Variants in CCNF observed in about 807,000 individuals in gnomAD.
CCNF encodes cyclin-F.
In CCNF, 30 loss-of-function variants were observed where a neutral mutation model predicts 85.4. The ratio of observed to expected loss-of-function variants is 0.35; its 90% CI spans 0.26 to 0.48. CCNF has a LOEUF of 0.48. Among genes scored for constraint, CCNF ranks in the 20% least tolerant of loss-of-function variants. The pLI is 0.99. For missense variants in CCNF, 919 were observed against 1,010.4 expected (o/e 0.91, Z 1.23); for synonymous variants, 439 against 425.1 (o/e 1.03, Z -0.40).
intron 3 of CCNF, 43 bp from the exon 4 acceptor site, chr16:2,435,763 G>C: frequency 6.7e-7 from 1 of 1,491,452 alleles, no homozygotes; most frequent in Non-Finnish European, 9.3e-7. Flanking sequence ...CATAACGTTT[G>C]TGGCATAAAA....
chr16:2,442,895 A>G (rs1410278634), intron 8 of CCNF, among the ~76,000 whole-genome samples: 1 of 88,030 alleles, frequency 1.1e-5, no homozygotes, highest in African/African-American at 4.7e-5. Context: ...TATATATTAT[A>G]TATTATATAA....
intron 4 of CCNF, 197 bp from the exon 5 acceptor site, chr16:2,436,932 C>A: frequency 4.7e-6 from 2 of 428,698 alleles, no homozygotes; most frequent in South Asian, 1.2e-4. Flanking sequence ...CACAATGACC[C>A]ACCTGTTCTA....
In CCNF at chr16:2,456,887, C is replaced by T. The variant is rs779926230; in HGVS notation, c.2228C>T (p.Ala743Val). 1.2e-6 allele frequency: 2 copies of T among 1,614,182 alleles called. No homozygotes were observed. The highest frequency in any genetic ancestry group is 2.2e-5 in the South Asian group (2 of 91,088). The change falls in exon 17 of 17, where the codon GCC (alanine) becomes GTC (valine). Residue 743 changes from alanine (A) to valine (V), a missense_variant. By Grantham distance (64) the Ala-to-Val change is moderately conservative. Coordinates refer to ENST00000397066, the MANE Select transcript of CCNF (RefSeq NM_001761.3). This position sits in a 1 kb window ranked among gnomAD's most constrained non-coding sequence, Gnocchi z 4.5. ...DSHTQPCHHQ[A>V]RKSCLQCRPP... ...CACACACAGCCCTGCCACCATCAGGCCAGGAAGTCATGTTTACAGTGTCGT... is the reference window on the plus strand; with the variant it reads ...CACACACAGCCCTGCCACCATCAGGTCAGGAAGTCATGTTTACAGTGTCGT...
rs2141830288 is a variant in CCNF at position 2,453,459 on chromosome 16, G to T, written c.1637G>T (p.Ser546Ile). The T allele has an allele frequency of 1.2e-6, 2 of 1,614,044 alleles. No individual in the cohort carries two copies. The highest frequency in any genetic ancestry group is 2.2e-5 in the South Asian group (2 of 91,082). Residue 546 changes from serine (S) to isoleucine (I), a missense_variant, in exon 15 of 17, where the codon AGC (serine) becomes ATC (isoleucine). This residue lies in a region of CCNF where 505 missense variants were observed against 514.8 expected (regional missense o/e 0.98). Transcript: ENST00000397066. The surrounding 1 kb of genome is among the most constrained non-coding windows in gnomAD (Gnocchi z 5.6). ...LCAALGVTQD[S>I]PDPPTFLSTG... ...GCTGCATTAGGAGTGACACAAGACA[G>T]CCCCGACCCCCCGACTTTCCTCAGC...
chr16:2,429,879 C>T (rs949238083), intron 1 of CCNF, among the ~76,000 whole-genome samples: 3 of 152,094 alleles, frequency 2.0e-5, no homozygotes, highest in African/African-American at 7.2e-5. Context: ...GCGAAGCGAT[C>T]CCGCAGCCCG....
At chr16:2,429,818 G>T (rs2065253903) in intron 1 of CCNF, among the ~76,000 whole-genome samples, 1 of 152,204 alleles carries the variant, frequency 6.6e-6, no homozygotes, top group Middle Eastern at 3.4e-3. Context: ...GTCTCGGGGA[G>T]CCAAACACCA....
chr16:2,454,797 T>C (rs571131773), intron 15 of CCNF, among the ~76,000 whole-genome samples: 23 of 152,168 alleles, frequency 1.5e-4, no homozygotes, highest in Non-Finnish European at 2.8e-4. Context: ...CGGTTGCTCA[T>C]GCCTGTAATC....
In CCNF at chr16:2,456,263, G is replaced by T. The variant is rs903130925; in HGVS notation, c.1886-282G>T. On this transcript the variant is annotated intron_variant, in intron 16 of 16. Transcript: ENST00000397066. This position sits in a 1 kb window ranked among gnomAD's most constrained non-coding sequence, Gnocchi z 4.5. ...CTGCGGGGTCCTTGCCAGAAGCCCA[G>T]TTAGTGTGAGTCCTGTCAGTTTCCC... 1 of 394,148 alleles carries T rather than the reference G, an allele frequency of 2.5e-6. No homozygotes were observed. The highest frequency in any genetic ancestry group is 2.0e-5 in the African/African-American group (1 of 49,178). 24.4% of individuals were successfully genotyped at this position (394,148 alleles called of 1,614,324 possible).
intron 5 of CCNF, 139 bp from the exon 6 acceptor site, chr16:2,437,931 T>G: frequency 6.0e-6 from 3 of 500,514 alleles, no homozygotes; most frequent in South Asian, 2.2e-5. Context: ...AAGACTGAAA[T>G]CTGGGAGTGG....
rs1177557365 is a variant in CCNF, at chr16:2,455,475, C to T, written c.1796C>T (p.Thr599Met). 10 of 1,604,594 alleles carry T rather than the reference C, an allele frequency of 6.2e-6. No homozygotes were observed. The highest frequency in any genetic ancestry group is 1.7e-4 in the Middle Eastern group (1 of 6,036). The stretch of plus-strand genomic sequence containing the variant: ...GCGGAGCTGTCCAGCCAGGAGGAGA[C>T]GCTGCTGGGCAGCTTCCTCGACTGG... ...PTAELSSQEETLLGSFLDWSL... is the reference protein window; with the variant it reads ...PTAELSSQEEMLLGSFLDWSL... Residue 599 changes from threonine to methionine, a missense_variant, in exon 16 of 17, where the codon ACG becomes ATG. Coordinates refer to ENST00000397066, the MANE Select transcript of CCNF (RefSeq NM_001761.3).
At chr16:2,440,059 C>T (rs149458467) in intron 8 of CCNF, among the ~76,000 whole-genome samples, 20 of 152,350 alleles carry the variant, frequency 1.3e-4, no homozygotes, top group African/African-American at 4.6e-4. Context: ...CCACTCTTGC[C>T]TCTCAGCCAG....
chr16:2,453,934 C>T lies in CCNF; in HGVS notation c.1715+397C>T, dbSNP rs892409024. ...TGAGTCACATCCCCAGCACTTCCCTCGCCACCCGTGTGGACCTGTTTACCC... is the reference window on the plus strand; with the variant it reads ...TGAGTCACATCCCCAGCACTTCCCTTGCCACCCGTGTGGACCTGTTTACCC... On this transcript the variant is annotated intron_variant, in intron 15 of 16. Transcript: ENST00000397066. This position sits in a 1 kb window ranked among gnomAD's most constrained non-coding sequence, Gnocchi z 5.6. Among the ~76,000 whole-genome samples, 1 of 152,198 alleles carries T rather than the reference C, an allele frequency of 6.6e-6. No homozygotes were observed. The highest frequency in any genetic ancestry group is 2.4e-5 in the African/African-American group (1 of 41,442).
intron 6 of CCNF, among the ~76,000 whole-genome samples, chr16:2,438,718 C>T (rs531402944): frequency 8.6e-5 from 13 of 151,992 alleles, no homozygotes; most frequent in Admixed American, 4.6e-4. Context: ...GAATAAGGGC[C>T]GGTCATGGTG....
At chr16:2,429,789 G>A (rs2065253680) in intron 1 of CCNF, among the ~76,000 whole-genome samples, 1 of 141,368 alleles carries the variant, frequency 7.1e-6, no homozygotes, top group African/African-American at 3.1e-5. Flanking sequence ...CGGCGATCGG[G>A]TCCCGGGGCG....
chr16:2,452,094 G>A lies in CCNF; in HGVS notation c.1488-1116G>A, dbSNP rs1292910757. On this transcript the variant is annotated intron_variant, in intron 13 of 16. Transcript: ENST00000397066. The surrounding 1 kb of genome is among the most constrained non-coding windows in gnomAD (Gnocchi z 4.1). ...TCGTGCGCTCACAGCTTGGGGACTG[G>A]AGCTATCCGTGGCGGCTGCCCGGCC... 6.6e-6 allele frequency among the ~76,000 whole-genome samples: 1 copy of A among 152,220 alleles called. No homozygotes were observed. Among genetic ancestry groups the A allele is most frequent in the African/African-American group, 2.4e-5 (1 of 41,450 alleles).
chr16:2,453,483 G>A lies in CCNF; in HGVS notation c.1661G>A (p.Ser554Asn). The A allele has an allele frequency of 6.2e-7, 1 of 1,614,082 alleles. No homozygotes were observed. Among genetic ancestry groups the A allele is most frequent in the Non-Finnish European group, 8.5e-7 (1 of 1,179,998 alleles). ...QDSPDPPTFLSTGEIHAFLSS... is the reference protein window; with the variant it reads ...QDSPDPPTFLNTGEIHAFLSS... ...AGCCCCGACCCCCCGACTTTCCTCA[G>A]CACAGGGGAGATCCACGCCTTCCTC... The change falls in exon 15 of 17, where the codon AGC becomes AAC. Residue 554 changes from serine (S) to asparagine (N), a missense_variant. By Grantham distance (46) the Ser-to-Asn change is conservative. This residue lies in a region of CCNF where 505 missense variants were observed against 514.8 expected (regional missense o/e 0.98). Transcript: ENST00000397066. The surrounding 1 kb of genome is among the most constrained non-coding windows in gnomAD (Gnocchi z 5.6).
intron 10 of CCNF, among the ~76,000 whole-genome samples, chr16:2,447,365 G>T (rs1235670348): frequency 6.6e-6 from 1 of 151,358 alleles, no homozygotes; most frequent in East Asian, 1.9e-4. Context: ...TGGGCGGATC[G>T]TGAGGTCAGG....
At chr16:2,441,977 A>ATATC (rs1567385711) in intron 8 of CCNF, among the ~76,000 whole-genome samples, 1 of 95,856 alleles carries the variant, frequency 1.0e-5, no homozygotes, top group Non-Finnish European at 2.2e-5. Flanking sequence ...ATATATATAT[A>ATATC]TATATGTTTT....
chr16:2,443,678 A>G lies in CCNF; in HGVS notation c.807A>G (p.Ala269=). Residue 269 remains alanine, a synonymous_variant, in exon 9 of 17, where the codon GCA becomes GCG. Transcript: ENST00000397066. The part of the protein sequence containing the change: ...QLSLAKACAN[A]NQLGLEVRAS... ...CTTTAGCCAAAGCCTGTGCAAATGC[A>G]AACCAGCTTGGACTGGAGGTGAGAG... 1 of 1,614,152 alleles carries G rather than the reference A, an allele frequency of 6.2e-7. No homozygotes were observed. The highest frequency in any genetic ancestry group is 8.5e-7 in the Non-Finnish European group (1 of 1,180,014).
Sources: gnomAD v4.1 joint callset for allele counts (sites outside exome capture counted in the v4.1 genomes callset) on GRCh38, gnomAD v4.1.1 for gene constraint, gnomAD v4.1.1 regional missense constraint, Gnocchi (gnomAD v3.1) non-coding constraint, MANE v1.5 for transcripts, NCBI Gene and HGNC (gene_info 2026-07-23, HGNC 2026-07-21) for gene names.